The following SH3KBP1 variants were observed in gnomAD, a reference collection of about 807,000 sequenced individuals.
SH3KBP1 encodes the protein SH3 domain-containing kinase-binding protein 1.
A neutral mutation model predicts 50.1 loss-of-function variants in SH3KBP1; 8 were observed. The observed-to-expected ratio is 0.16, with a 90% CI of 0.09 to 0.29. The LOEUF is 0.29. Ranked by LOEUF, SH3KBP1 falls within the 10% of genes least tolerant of loss-of-function variation. The pLI is 1.00. For synonymous variants in SH3KBP1, 227 were observed against 218.6 expected, an observed-to-expected ratio of 1.04 and a Z score of -0.34; for missense variants, 377 against 535.2, an observed-to-expected ratio of 0.70 and a Z score of 2.92.
chrX:19,883,868 G>A (rs373620625), intron 1 of SH3KBP1, among the ~76,000 whole-genome samples: 3 of 111,502 alleles, frequency 2.7e-5, no homozygotes, highest in African/African-American at 9.8e-5. Flanking sequence ...GAGAACATTT[G>A]TTAAAATACC....
rs142596477 is a variant in SH3KBP1 at position 19,642,159 on chromosome X, A to C, written c.802+3241T>G. 4.9e-3 allele frequency among the ~76,000 whole-genome samples: 549 copies of C among 111,782 alleles called. 5 individuals are homozygous for C. The highest frequency in any genetic ancestry group is 0.017 in the African/African-American group (535 of 30,665). ...TGCATGGTGCTAACGGCTTTTAAAA[A>C]ACTGTGCAATCTACAGCCTGATAAA... is the stretch of plus-strand genomic sequence containing the variant. On this transcript the variant is annotated intron_variant, in intron 7 of 17. Transcript: ENST00000397821.
intron 6 of SH3KBP1, among the ~76,000 whole-genome samples, chrX:19,682,899 AAAAAAAAAAAG>A (rs1270779102): frequency 9.2e-6 from 1 of 108,141 alleles, no homozygotes; most frequent in Non-Finnish European, 1.9e-5. Context: ...CCCACCAAAA[AAAAAAAAAAAG>A]AAAGAAAAAA....
chrX:19,626,870 G>A (rs1222394119), intron 8 of SH3KBP1, among the ~76,000 whole-genome samples: 5 of 111,369 alleles, frequency 4.5e-5, no homozygotes, highest in African/African-American at 9.8e-5. Context: ...AGCCCGGCCT[G>A]GGTCCCCTCT....
intron 13 of SH3KBP1, among the ~76,000 whole-genome samples, chrX:19,567,518 C>CA (rs869158450): frequency 2.8e-4 from 2 of 7,270 alleles, no homozygotes; most frequent in African/African-American, 5.6e-4. Flanking sequence ...GACTCCATCT[C>CA]AAAAAAAAAA....
chrX:19,668,850 T>C (rs1335712933), intron 6 of SH3KBP1, among the ~76,000 whole-genome samples: 1 of 62,383 alleles, frequency 1.6e-5, no homozygotes, highest in Non-Finnish European at 2.7e-5. Flanking sequence ...TGAGACTGTG[T>C]CTCAAAAAAA....
intron 3 of SH3KBP1, among the ~76,000 whole-genome samples, chrX:19,733,521 T>C (rs2064440352): frequency 9.0e-6 from 1 of 110,640 alleles, no homozygotes; most frequent in Non-Finnish European, 1.9e-5. Flanking sequence ...TCAATTTGTA[T>C]ACTAACCTCA....
intron 3 of SH3KBP1, among the ~76,000 whole-genome samples, chrX:19,718,203 CA>C (rs1255277304): frequency 9.1e-6 from 1 of 109,610 alleles, no homozygotes; most frequent in Non-Finnish European, 1.9e-5. Context: ...CAGCATGTAG[CA>C]TTTTAGTTAC....
chrX:19,554,201 T>C (rs1339541274), intron 13 of SH3KBP1, among the ~76,000 whole-genome samples: 1 of 77,789 alleles, frequency 1.3e-5, no homozygotes, highest in African/African-American at 5.6e-5. Flanking sequence ...TTATATATCA[T>C]ATTAAAATAT....
At chrX:19,624,567 C>G (rs748013460) in intron 8 of SH3KBP1, among the ~76,000 whole-genome samples, 5 of 111,789 alleles carry the variant, frequency 4.5e-5, no homozygotes, top group Admixed American at 9.5e-5. Context: ...TGAACTAAAA[C>G]GATATTTTCT....
At chrX:19,848,920 C>T (rs1035085039) in intron 1 of SH3KBP1, among the ~76,000 whole-genome samples, 4 of 110,820 alleles carry the variant, frequency 3.6e-5, no homozygotes, top group African/African-American at 1.3e-4. Context: ...ATTACAGGTG[C>T]GAGCCACTGT....
At position 19,678,868 on chromosome X, in the gene SH3KBP1, T is replaced by C. The variant is rs377596868; in HGVS notation, c.726+4955A>G. On this transcript the variant is annotated intron_variant, in intron 6 of 17. Transcript: ENST00000397821. ...TCTCTTGCTTAAAACACTTTGATAG[T>C]TTCCCATTGCTCTCAAGATCAAGTC... 1.7e-4 allele frequency among the ~76,000 whole-genome samples: 19 copies of C among 111,630 alleles called. 1 individual carries two copies. The highest frequency in any genetic ancestry group is 1.2e-3 in the Admixed American group (13 of 10,534).
chrX:19,859,099 C>G, intron 1 of SH3KBP1, among the ~76,000 whole-genome samples: 1 of 110,673 alleles, frequency 9.0e-6, no homozygotes, highest in East Asian at 2.8e-4. Context: ...TTTAATGAAA[C>G]AGAACTGCAT....
At chrX:19,537,244 G>C (rs1195982421) in intron 17 of SH3KBP1, among the ~76,000 whole-genome samples, 1 of 111,078 alleles carries the variant, frequency 9.0e-6, no homozygotes, top group East Asian at 2.8e-4. Flanking sequence ...ATCACCTGAG[G>C]TCAGGAGATC....
At chrX:19,740,872 C>G in intron 3 of SH3KBP1, 1 of 233,169 alleles carries the variant, frequency 4.3e-6, no homozygotes, top group Non-Finnish European at 8.8e-6. Context: ...ACACTAAAAG[C>G]TAGAAAAAAC....
intron 9 of SH3KBP1, among the ~76,000 whole-genome samples, chrX:19,606,836 C>A (rs1055881107): frequency 8.9e-6 from 1 of 111,738 alleles, no homozygotes; most frequent in African/African-American, 3.3e-5. Flanking sequence ...GAACCAGAAT[C>A]CAGATTCTCT....
At chrX:19,603,608 G>A (rs1215588287) in intron 9 of SH3KBP1, among the ~76,000 whole-genome samples, 1 of 112,592 alleles carries the variant, frequency 8.9e-6, no homozygotes, top group Non-Finnish European at 1.9e-5. Context: ...TAACACTGAA[G>A]AGCCCTCCAA....
chrX:19,844,982 A>C (rs892982424), intron 1 of SH3KBP1, among the ~76,000 whole-genome samples: 4 of 111,338 alleles, frequency 3.6e-5, no homozygotes, highest in Non-Finnish European at 7.5e-5. Flanking sequence ...CGGGAGGCTA[A>C]GGCAGAGAAT....
chrX:19,760,008 G>A (rs1180488666), intron 2 of SH3KBP1, among the ~76,000 whole-genome samples: 1 of 61,117 alleles, frequency 1.6e-5, no homozygotes, highest in South Asian at 7.8e-4. Flanking sequence ...AATCAGTCTC[G>A]GTCTCTCTCT....
intron 13 of SH3KBP1, among the ~76,000 whole-genome samples, chrX:19,554,477 C>G (rs1410098497): frequency 9.5e-6 from 1 of 105,671 alleles, no homozygotes; most frequent in Non-Finnish European, 1.9e-5. Flanking sequence ...TCGCGGCTCA[C>G]TGCAACCTCT....
Sources: allele counts gnomAD v4.1 joint callset (sites outside exome capture counted in the v4.1 genomes callset), GRCh38; gene constraint gnomAD v4.1.1; transcripts MANE v1.5; gene names NCBI Gene and HGNC (gene_info 2026-07-23, HGNC 2026-07-21).